The following POU2F1 variants were observed in gnomAD, a reference collection of about 807,000 sequenced individuals.
POU2F1 encodes POU class 2 homeobox 1.
In POU2F1, 16 loss-of-function variants were observed where a neutral mutation model predicts 84.9. That is an observed-to-expected ratio of 0.19 (90% CI 0.13 to 0.29). POU2F1 has a LOEUF of 0.29. POU2F1 is among the 10% of genes least tolerant of loss of function. The pLI is 1.00. For missense variants in POU2F1, 738 were observed against 942.6 expected (o/e 0.78, Z 2.84); for synonymous variants, 368 against 368.3 (o/e 1.00, Z 0.01).
At chr1:167,351,392 C>A (rs1658550622) in intron 2 of POU2F1, among the ~76,000 whole-genome samples, 1 of 151,590 alleles carries the variant, frequency 6.6e-6, no homozygotes, top group Non-Finnish European at 1.5e-5. Flanking sequence ...GTGGCACATG[C>A]CTGTAATCCC....
chr1:167,332,385 C>T, intron 1 of POU2F1, 85 bp from the exon 2 acceptor site: 3 of 985,546 alleles, frequency 3.0e-6, no homozygotes, highest in Admixed American at 1.9e-5. Flanking sequence ...TTAGTTAACC[C>T]TTTTCTCTGC....
At position 167,259,853 on chromosome 1, in the gene POU2F1, T is replaced by A. The variant is rs1651420142; in HGVS notation, c.61+38895T>A. Among the ~76,000 whole-genome samples the A allele has an allele frequency of 2.6e-5, 4 of 152,150 alleles. No homozygotes were observed. The South Asian group carries it at 8.3e-4, about 32-fold the overall frequency. The stretch of plus-strand genomic sequence containing the variant: ...TCTTTATTGTTAATGATATTAAGTA[T>A]CTTTTCATATGCTTATTGATCATTG... On this transcript the variant is annotated intron_variant, in intron 1 of 15. Coordinates refer to ENST00000367866, the MANE Select transcript of POU2F1 (RefSeq NM_002697.4).
intron 13 of POU2F1, among the ~76,000 whole-genome samples, chr1:167,403,759 G>T (rs1233468351): frequency 6.6e-6 from 1 of 152,152 alleles, no homozygotes; most frequent in Non-Finnish European, 1.5e-5. Context: ...TCCTGAGTTA[G>T]ATCCAATGTT....
chr1:167,363,006 G>A (rs1659442237), intron 2 of POU2F1, among the ~76,000 whole-genome samples: 1 of 152,140 alleles, frequency 6.6e-6, no homozygotes, highest in African/African-American at 2.4e-5. Context: ...CATTAAAAAT[G>A]TAAGAACATT....
At chr1:167,366,708 A>C (rs1021680990) in intron 3 of POU2F1, among the ~76,000 whole-genome samples, 17 of 152,218 alleles carry the variant, frequency 1.1e-4, no homozygotes, top group Non-Finnish European at 1.8e-4. Flanking sequence ...TAAAATATTA[A>C]AATGAATTAA....
chr1:167,351,379 A>G (rs971129503), intron 2 of POU2F1, among the ~76,000 whole-genome samples: 1 of 151,434 alleles, frequency 6.6e-6, no homozygotes, highest in African/African-American at 2.4e-5. Context: ...TTAGCTGGGT[A>G]TGGTGGCACA....
intron 1 of POU2F1, among the ~76,000 whole-genome samples, chr1:167,255,936 G>GAGA (rs1467392551): frequency 6.6e-6 from 1 of 152,198 alleles, no homozygotes; most frequent in Non-Finnish European, 1.5e-5. Context: ...AGAAGGTGTA[G>GAGA]AGAACATCTG....
At chr1:167,238,976 T>G (rs1383449000) in intron 1 of POU2F1, among the ~76,000 whole-genome samples, 3 of 152,164 alleles carry the variant, frequency 2.0e-5, no homozygotes, top group Non-Finnish European at 4.4e-5. Flanking sequence ...AGGCTCCCCT[T>G]TCCTATTCTG....
At chr1:167,393,204 T>G (rs529260099) in intron 9 of POU2F1, among the ~76,000 whole-genome samples, 1 of 152,184 alleles carries the variant, frequency 6.6e-6, no homozygotes, top group Non-Finnish European at 1.5e-5. Context: ...AAACATTTAC[T>G]TTTGTGAGTG....
In POU2F1 at chr1:167,372,009, T is replaced by C. The variant is rs561916251; in HGVS notation, c.375T>C (p.Leu125=). The C allele has an allele frequency of 8.1e-5, 131 of 1,613,932 alleles. 3 individuals carry two copies. In the South Asian group the frequency reaches 1.3e-3, roughly 16 times the overall value. The change falls in exon 5 of 16, where the codon CTT becomes CTC. Residue 125 remains leucine (L), a synonymous_variant. Transcript: ENST00000367866. ...AGGCAGCCATTCCCCAGACCCAGCT[T>C]ATGCTAGCTGGAGGACAGATAACTG... The part of the protein sequence containing the change: ...SVQAAIPQTQ[L]MLAGGQITGL...
chr1:167,310,804 T>A (rs1280907344), intron 1 of POU2F1, among the ~76,000 whole-genome samples: 1 of 151,950 alleles, frequency 6.6e-6, no homozygotes, highest in Non-Finnish European at 1.5e-5. Context: ...CCTCAGTAGA[T>A]AGAAAATACA....
chr1:167,243,251 C>G (rs2102378860), intron 1 of POU2F1, among the ~76,000 whole-genome samples: 1 of 152,300 alleles, frequency 6.6e-6, no homozygotes, highest in Non-Finnish European at 1.5e-5. Flanking sequence ...TTGTATTAGG[C>G]ATTGTTTTAG....
intron 1 of POU2F1, among the ~76,000 whole-genome samples, chr1:167,259,555 C>T (rs1033170542): frequency 6.6e-6 from 1 of 152,054 alleles, no homozygotes; most frequent in Non-Finnish European, 1.5e-5. Context: ...CCTGTGCGTA[C>T]ATGTTAAGAG....
intron 1 of POU2F1, among the ~76,000 whole-genome samples, chr1:167,331,685 A>C (rs1049674588): frequency 6.6e-6 from 1 of 152,054 alleles, no homozygotes; most frequent in Non-Finnish European, 1.5e-5. Context: ...TGGGATACCT[A>C]ATATTGCTTG....
At chr1:167,292,828 C>G (rs1285517945) in intron 1 of POU2F1, among the ~76,000 whole-genome samples, 1 of 152,060 alleles carries the variant, frequency 6.6e-6, no homozygotes, top group African/African-American at 2.4e-5. Flanking sequence ...GGTCTCATCC[C>G]AGGGATCCAG....
intron 1 of POU2F1, among the ~76,000 whole-genome samples, chr1:167,298,922 G>T (rs1256237228): frequency 6.6e-6 from 1 of 152,120 alleles, no homozygotes; most frequent in Non-Finnish European, 1.5e-5. Context: ...CCAGCACTTT[G>T]GGAGGCCAAG....
chr1:167,389,789 C>G (rs1160388418), intron 9 of POU2F1, 28 bp downstream of exon 9: 7 of 1,601,248 alleles, frequency 4.4e-6, no homozygotes, highest in African/African-American at 1.3e-5. Context: ...TACATTGATT[C>G]CCCTCCTTGG....
At chr1:167,266,161 A>G (rs1651935735) in intron 1 of POU2F1, among the ~76,000 whole-genome samples, 1 of 152,242 alleles carries the variant, frequency 6.6e-6, no homozygotes, top group African/African-American at 2.4e-5. Context: ...GTTTCAGGAT[A>G]CATGTGCAGG....
At chr1:167,308,467 T>A (rs1655240247) in intron 1 of POU2F1, among the ~76,000 whole-genome samples, 1 of 152,142 alleles carries the variant, frequency 6.6e-6, no homozygotes, top group Non-Finnish European at 1.5e-5. Context: ...ATAATTATTT[T>A]ATGGGGAAAC....
Sources: gnomAD v4.1 joint callset for allele counts (sites outside exome capture counted in the v4.1 genomes callset) on GRCh38, gnomAD v4.1.1 for gene constraint, MANE v1.5 for transcripts, NCBI Gene and HGNC (gene_info 2026-07-23, HGNC 2026-07-21) for gene names.